The following BTBD9 variants were observed in gnomAD, a reference collection of about 807,000 sequenced individuals.
BTBD9 encodes the protein BTB/POZ domain-containing protein 9.
BTBD9 carries 49 observed loss-of-function variants against 64.3 expected under a neutral mutation model. The ratio of observed to expected loss-of-function variants is 0.76; its 90% CI spans 0.61 to 0.97. The LOEUF (loss-of-function observed/expected upper bound fraction) is 0.97. Among genes scored for constraint, BTBD9 ranks in the 50% least tolerant of loss-of-function variants. The pLI, the probability that BTBD9 is intolerant of heterozygous loss-of-function variation, is 0.00. For missense variants in BTBD9, 598 were observed against 762.1 expected (o/e 0.78, Z 2.53); for synonymous variants, 260 against 274.7 (o/e 0.95, Z 0.53).
At chr6:38,257,854 A>G (rs1398174127) in intron 8 of BTBD9, among the ~76,000 whole-genome samples, 2 of 152,104 alleles carry the variant, frequency 1.3e-5, no homozygotes, top group Non-Finnish European at 2.9e-5. Flanking sequence ...ACTTTCTAGA[A>G]TACTGGAAAA....
At chr6:38,586,932 G>A (rs1776559758) in intron 4 of BTBD9, among the ~76,000 whole-genome samples, 1 of 151,880 alleles carries the variant, frequency 6.6e-6, no homozygotes, top group Non-Finnish European at 1.5e-5. Context: ...GCGTGGTGGT[G>A]GGCACCTGTA....
At chr6:38,505,970 A>AAAAAAAAAC (rs1772485997) in intron 6 of BTBD9, among the ~76,000 whole-genome samples, 2 of 148,680 alleles carry the variant, frequency 1.3e-5, no homozygotes, top group South Asian at 4.2e-4. Flanking sequence ...TCAACAAAAA[A>AAAAAAAAAC]AAAAAAAAAA....
chr6:38,591,108 C>T (rs542422375), intron 4 of BTBD9, among the ~76,000 whole-genome samples: 6 of 152,258 alleles, frequency 3.9e-5, no homozygotes, highest in Middle Eastern at 3.4e-3. Flanking sequence ...TGCATGCATG[C>T]CACTCTCCCT....
At chr6:38,478,606 C>A (rs112962519) in intron 6 of BTBD9, among the ~76,000 whole-genome samples, 74 of 152,238 alleles carry the variant, frequency 4.9e-4, no homozygotes, top group Non-Finnish European at 8.8e-4. Flanking sequence ...CATGGGCAGA[C>A]AAAACAGAAA....
intron 6 of BTBD9, among the ~76,000 whole-genome samples, chr6:38,374,893 A>T (rs919329438): frequency 2.0e-5 from 3 of 152,228 alleles, no homozygotes; most frequent in Non-Finnish European, 2.9e-5. Flanking sequence ...GATCTTTGGA[A>T]CACAATGTCC....
At chr6:38,334,116 C>T (rs1342914349) in intron 7 of BTBD9, among the ~76,000 whole-genome samples, 1 of 152,180 alleles carries the variant, frequency 6.6e-6, no homozygotes, top group African/African-American at 2.4e-5. Context: ...GCCCCCTGCT[C>T]TAGGGATGTG....
At chr6:38,397,060 C>T (rs572416423) in intron 6 of BTBD9, among the ~76,000 whole-genome samples, 1 of 151,996 alleles carries the variant, frequency 6.6e-6, no homozygotes, top group South Asian at 2.1e-4. Flanking sequence ...CACCACCCCA[C>T]CTGGCTAATT....
intron 1 of BTBD9, among the ~76,000 whole-genome samples, chr6:38,631,958 G>A (rs556805505): frequency 2.6e-5 from 4 of 152,216 alleles, no homozygotes; most frequent in South Asian, 4.1e-4. Context: ...GAGAAACCCC[G>A]TCTCTACTAA....
intron 6 of BTBD9, among the ~76,000 whole-genome samples, chr6:38,442,661 C>CT (rs11313452): frequency 0.26 from 15,156 of 57,706 alleles, 2,198 homozygotes; most frequent in Non-Finnish European, 0.32. Flanking sequence ...CATTTGTACT[C>CT]TTTTTTTTTT....
intron 7 of BTBD9, among the ~76,000 whole-genome samples, chr6:38,290,642 C>T (rs1310643896): frequency 6.6e-6 from 1 of 152,126 alleles, no homozygotes; most frequent in African/African-American, 2.4e-5. Flanking sequence ...CATGTGCTTC[C>T]CCAATCACAG....
chr6:38,438,205 AAGG>A (rs1768831888), intron 6 of BTBD9, among the ~76,000 whole-genome samples: 1 of 94,166 alleles, frequency 1.1e-5, no homozygotes, highest in Non-Finnish European at 1.9e-5. Flanking sequence ...GGAGGAAAGG[AAGG>A]AGGGAGGGAG....
At chr6:38,399,422 T>C (rs766629833) in intron 6 of BTBD9, among the ~76,000 whole-genome samples, 1 of 152,332 alleles carries the variant, frequency 6.6e-6, no homozygotes, top group South Asian at 2.1e-4. Flanking sequence ...TTCTACTCAT[T>C]GTATGAATTG....
intron 1 of BTBD9, among the ~76,000 whole-genome samples, chr6:38,603,927 T>TG (rs1777341434): frequency 6.6e-6 from 1 of 152,182 alleles, no homozygotes; most frequent in Non-Finnish European, 1.5e-5. Context: ...TAATATCGCT[T>TG]GGGGAGATAA....
intron 6 of BTBD9, among the ~76,000 whole-genome samples, chr6:38,430,357 T>A (rs796714064): frequency 3.3e-5 from 5 of 149,394 alleles, no homozygotes; most frequent in African/African-American, 1.3e-4. Context: ...CTAGCTGGGA[T>A]CACAGGCTTG....
At chr6:38,633,162 T>A (rs565225243) in intron 1 of BTBD9, among the ~76,000 whole-genome samples, 4 of 152,264 alleles carry the variant, frequency 2.6e-5, no homozygotes, top group Non-Finnish European at 5.9e-5. Context: ...CTCCAGTAAC[T>A]TTTCCTAAAA....
chr6:38,443,000 G>A (rs1425694915), intron 6 of BTBD9, among the ~76,000 whole-genome samples: 1 of 151,896 alleles, frequency 6.6e-6, no homozygotes, highest in Non-Finnish European at 1.5e-5. Context: ...AAGGATCAAG[G>A]ATTTTTTAAA....
At chr6:38,329,742 G>A (rs373574144) in intron 7 of BTBD9, among the ~76,000 whole-genome samples, 1 of 152,174 alleles carries the variant, frequency 6.6e-6, no homozygotes, top group East Asian at 2.0e-4. Flanking sequence ...ATCACTTGAG[G>A]TCAGGAGTTC....
At chr6:38,221,928 T>C (rs534449055) in intron 9 of BTBD9, among the ~76,000 whole-genome samples, 6 of 152,038 alleles carry the variant, frequency 3.9e-5, no homozygotes, top group Admixed American at 1.3e-4. Context: ...GAGGCGGAGG[T>C]TGCAGTGAGC....
intron 6 of BTBD9, among the ~76,000 whole-genome samples, chr6:38,350,685 T>C (rs1202999862): frequency 6.6e-6 from 1 of 152,200 alleles, no homozygotes; most frequent in African/African-American, 2.4e-5. Context: ...TAGCCTGAGA[T>C]TGGTACAAAA....
Sources: allele counts gnomAD v4.1 joint callset (sites outside exome capture counted in the v4.1 genomes callset), GRCh38; gene constraint gnomAD v4.1.1; transcripts MANE v1.5; gene names NCBI Gene and HGNC (gene_info 2026-07-23, HGNC 2026-07-21).